MMACHC: variants seen among roughly 807,000 people sequenced by gnomAD.
The protein encoded by MMACHC is cyanocobalamin reductase / alkylcobalamin dealkylase.
A neutral mutation model predicts 17.6 loss-of-function variants in MMACHC; 14 were observed. The ratio of observed to expected loss-of-function variants is 0.80; its 90% CI spans 0.53 to 1.25. The LOEUF (loss-of-function observed/expected upper bound fraction) is 1.25, where lower values mean the gene tolerates loss of function less well. MMACHC is among the 50% of genes most tolerant of loss of function. MMACHC has a pLI of 0.00. For missense variants in MMACHC, 392 were observed against 364.5 expected (o/e 1.08, Z -0.62); for synonymous variants, 151 against 142.1 (o/e 1.06, Z -0.45).
intron 1 of MMACHC, 69 bp downstream of exon 1, chr1:45,500,482 C>T: frequency 6.9e-7 from 1 of 1,456,598 alleles, no homozygotes; most frequent in Non-Finnish European, 9.6e-7. Flanking sequence ...GGCGTGAGGC[C>T]TCGGGAGCCT....
intron 2 of MMACHC, 125 bp downstream of exon 2, chr1:45,507,675 C>A (rs1643655381): frequency 1.8e-6 from 2 of 1,100,236 alleles, no homozygotes; most frequent in Admixed American, 4.0e-5. Flanking sequence ...ACCCTAAAGC[C>A]AGGCTTGACA....
At position 45,511,408 on chromosome 1, in the gene MMACHC, G is replaced by A; in HGVS notation, c.*2193G>A. The A allele has an allele frequency of 6.2e-7, 1 of 1,612,630 alleles. No homozygotes were observed. Among genetic ancestry groups the A allele is most frequent in the Non-Finnish European group, 8.5e-7 (1 of 1,179,318 alleles). ...ATCACTGCCAGGTTTCCAGCCAGCT[G>A]GGCACACTGCAAGAGAAAGGCACCA... On this transcript the variant is annotated 3_prime_UTR_variant, in exon 4 of 4. Coordinates refer to ENST00000401061, the MANE Select transcript of MMACHC (RefSeq NM_015506.3).
Position 45,507,539 on chromosome 1 carries a change from CGT to C in MMACHC, c.268_269del (p.Val90Ter), listed in dbSNP as rs1643651332. Reference protein sequence around the residue: ...VDQCVAYHLGRVRESLPELQI... With the variant: ...VDQCVAYHLGXVRESLPELQI... ...CCAGTGTGTGGCCTACCATCTGGGC[CGT>C]GTTAGAGAGGTGAGGAAGGCTCAGT... On this transcript the variant is annotated frameshift_variant, in exon 2 of 4. Transcript: ENST00000401061. LOFTEE classifies it high-confidence loss of function. The C allele has an allele frequency of 1.2e-6, 2 of 1,614,158 alleles. No individual in the cohort carries two copies. The highest frequency in any genetic ancestry group is 1.7e-6 in the Non-Finnish European group (2 of 1,180,030).
intron 1 of MMACHC, among the ~76,000 whole-genome samples, chr1:45,505,180 G>A (rs1313194614): frequency 6.7e-6 from 1 of 149,748 alleles, no homozygotes; most frequent in African/African-American, 2.5e-5. Flanking sequence ...CTGGCGCGGT[G>A]ACTCACGCCT....
chr1:45,507,251 T>G, intron 1 of MMACHC, 105 bp from the exon 2 acceptor site: 10 of 1,000,534 alleles, frequency 1.0e-5, no homozygotes, highest in African/African-American at 1.6e-5. Context: ...ACTGAATGAG[T>G]GAGATGGAGG....
At position 45,505,769 on chromosome 1, in the gene MMACHC, G is replaced by A. The variant is rs375014036; in HGVS notation, c.82-1587G>A. Among the ~76,000 whole-genome samples, 86 of 151,912 alleles carry A rather than the reference G, an allele frequency of 5.7e-4. No individual in the cohort carries two copies. In the East Asian group the frequency reaches 0.013, roughly 24 times the overall value. ...ATACAAAAATTAGCCGGGCGTGGTG[G>A]CACGTGCCTGTAGTCCCAGCTACTC... On this transcript the variant is annotated intron_variant, in intron 1 of 3. Coordinates refer to ENST00000401061, the MANE Select transcript of MMACHC (RefSeq NM_015506.3).
At position 45,511,307 on chromosome 1, in the gene MMACHC, T is replaced by C; in HGVS notation, c.*2092T>C. ...GTTCTCATGGCTGCCCACCGCAGCC[T>C]GGCACTAAAACAGCCCAGCGCTCAC... On this transcript the variant is annotated 3_prime_UTR_variant, in exon 4 of 4. Transcript: ENST00000401061. The C allele has an allele frequency of 6.3e-7, 1 of 1,578,502 alleles. No individual in the cohort carries two copies. Among genetic ancestry groups the C allele is most frequent in the Non-Finnish European group, 8.6e-7 (1 of 1,158,986 alleles).
At position 45,510,123 on chromosome 1, in the gene MMACHC, A is replaced by G. The variant is rs1643713915; in HGVS notation, c.*908A>G. On this transcript the variant is annotated 3_prime_UTR_variant, in exon 4 of 4. Transcript: ENST00000401061. ...TACCTCAGGTAGGGACTGAATAAAC[A>G]CGTGTAAGGCACTTTGGAAAAATAC... is the stretch of plus-strand genomic sequence containing the variant. The G allele has an allele frequency of 6.6e-6, 1 of 151,540 alleles. No homozygotes were observed. The highest frequency in any genetic ancestry group is 1.5e-5 in the Non-Finnish European group (1 of 67,920). The allele number at this position is 151,540 out of a possible 1,614,324, so 9.4% of individuals were successfully genotyped here. A position where few individuals can be genotyped will look rare whatever the true frequency, so the allele number is the denominator to read the frequency against.
Position 45,509,235 on chromosome 1 carries a change from T to A in MMACHC, c.*20T>A. 1 of 1,613,870 alleles carries A rather than the reference T, an allele frequency of 6.2e-7. No individual in the cohort carries two copies. Among genetic ancestry groups the A allele is most frequent in the African/African-American group, 1.3e-5 (1 of 74,992 alleles). On this transcript the variant is annotated 3_prime_UTR_variant, in exon 4 of 4. Transcript: ENST00000401061. ...CCTTGATTTTCTCCCATGTGGACCC[T>A]GATTTATGGTGGTACTTGCTAGGAC...
At position 45,507,439 on chromosome 1, in the gene MMACHC, GC is replaced by G; in HGVS notation, c.167del (p.Pro56LeufsTer20). The G allele has an allele frequency of 6.2e-7, 1 of 1,614,048 alleles. No homozygotes were observed. Among genetic ancestry groups the G allele is most frequent in the South Asian group, 1.1e-5 (1 of 91,078 alleles). On this transcript the variant is annotated frameshift_variant, in exon 2 of 4. Transcript: ENST00000401061. LOFTEE classifies it high-confidence loss of function. ...PTLAFLVLST[P>X]AMFDRALKPF... ...CCCTGGCCTTCCTGGTACTCAGCAC[GC>G]CTGCCATGTTTGACCGGGCCCTCAA...
intron 1 of MMACHC, among the ~76,000 whole-genome samples, chr1:45,505,074 C>A (rs531822148): frequency 6.7e-6 from 1 of 148,306 alleles, no homozygotes; most frequent in Non-Finnish European, 1.5e-5. Context: ...CAACATCATG[C>A]CACTGTACCC....
rs777075012 is a variant in MMACHC, at chr1:45,508,937, G to T, written c.571G>T (p.Ala191Ser). 9.3e-6 allele frequency: 15 copies of T among 1,613,960 alleles called. No individual in the cohort carries two copies. The highest frequency in any genetic ancestry group is 1.6e-4 in the Middle Eastern group (1 of 6,084). ...DCVPTRADRI[A>S]LLEGFNFHWR... Reference sequence around the variant, plus strand: ...TGTACCTACAAGAGCTGACCGTATCGCCCTACTCGAAGGCTTCAATTTCCA... The same window carrying T: ...TGTACCTACAAGAGCTGACCGTATCTCCCTACTCGAAGGCTTCAATTTCCA... Residue 191 changes from alanine to serine, a missense_variant, in exon 4 of 4, where the codon GCC becomes TCC. Transcript: ENST00000401061.
intron 1 of MMACHC, among the ~76,000 whole-genome samples, chr1:45,506,710 C>T (rs1243765229): frequency 6.6e-6 from 1 of 151,656 alleles, no homozygotes; most frequent in Non-Finnish European, 1.5e-5. Flanking sequence ...TGGTCTCAAA[C>T]TCCAGACCTT....
In MMACHC at chr1:45,509,682, G is replaced by A. The variant is rs551671089; in HGVS notation, c.*467G>A. 1.3e-3 allele frequency: 207 copies of A among 162,208 alleles called. 1 individual carries two copies. Among genetic ancestry groups the A allele is most frequent in the African/African-American group, 4.9e-3 (201 of 41,432 alleles). The allele number at this position is 162,208 out of a possible 1,614,324, so 10.0% of individuals were successfully genotyped here. Reference sequence around the variant, plus strand: ...CCATCTTGGCCTCCCAAAGTCCTGGGATTACAGGAATGAGCCACCGCACCC... The same window carrying A: ...CCATCTTGGCCTCCCAAAGTCCTGGAATTACAGGAATGAGCCACCGCACCC... On this transcript the variant is annotated 3_prime_UTR_variant, in exon 4 of 4. Transcript: ENST00000401061.
intron 1 of MMACHC, among the ~76,000 whole-genome samples, chr1:45,504,370 C>T (rs1334872587): frequency 1.3e-5 from 2 of 152,036 alleles, no homozygotes; most frequent in East Asian, 3.9e-4. Flanking sequence ...GAGCCAAGAT[C>T]GCGCCACAAA....
Position 45,506,497 on chromosome 1 carries a change from A to T in MMACHC, c.82-859A>T, listed in dbSNP as rs559061912. Among the ~76,000 whole-genome samples, 61 of 151,556 alleles carry T rather than the reference A, an allele frequency of 4.0e-4. No homozygotes were observed. The East Asian group carries it at 9.0e-3, about 22-fold the overall frequency. ...TTAATTTTCTTTTATTATTATTATT[A>T]TTTTTTGAGGCGGGGGTCTCACTCT... On this transcript the variant is annotated intron_variant, in intron 1 of 3. Transcript: ENST00000401061.
rs750127773 is a variant in MMACHC at position 45,507,436 on chromosome 1, C to G, written c.162C>G (p.Ser54Arg). 6.2e-7 allele frequency: 1 copy of G among 1,614,192 alleles called. No homozygotes were observed. The highest frequency in any genetic ancestry group is 1.7e-5 in the Admixed American group (1 of 60,028). ...CTACCCTGGCCTTCCTGGTACTCAG[C>G]ACGCCTGCCATGTTTGACCGGGCCC... is the stretch of plus-strand genomic sequence containing the variant. Reference protein sequence around the residue: ...PGPTLAFLVLSTPAMFDRALK... With the variant: ...PGPTLAFLVLRTPAMFDRALK... Residue 54 changes from serine (S) to arginine (R), a missense_variant, in exon 2 of 4, where the codon AGC becomes AGG. Ser to Arg is a moderately radical substitution (Grantham distance 110). Coordinates refer to ENST00000401061, the MANE Select transcript of MMACHC (RefSeq NM_015506.3).
chr1:45,503,937 C>T (rs1037420027), intron 1 of MMACHC, among the ~76,000 whole-genome samples: 1 of 152,212 alleles, frequency 6.6e-6, no homozygotes, highest in Non-Finnish European at 1.5e-5. Flanking sequence ...TCGGTTTGGG[C>T]TTCTTGTGAC....
At chr1:45,504,987 C>T (rs1043342432) in intron 1 of MMACHC, among the ~76,000 whole-genome samples, 4 of 151,660 alleles carry the variant, frequency 2.6e-5, no homozygotes, top group Admixed American at 6.6e-5. Flanking sequence ...TGGTAGCACA[C>T]GCCTGTTAAT....
Sources: gnomAD v4.1 joint callset for allele counts (sites outside exome capture counted in the v4.1 genomes callset) on GRCh38, gnomAD v4.1.1 for gene constraint, MANE v1.5 for transcripts, NCBI Gene and HGNC (gene_info 2026-07-23, HGNC 2026-07-21) for gene names.